Variants in DPYD observed in about 807,000 individuals in gnomAD.
DPYD encodes dihydropyrimidine dehydrogenase, also known as dihydropyrimidine dehydrogenase [NADP(+)].
A neutral mutation model predicts 116.2 loss-of-function variants in DPYD; 109 were observed. The ratio of observed to expected loss-of-function variants is 0.94; its 90% CI spans 0.80 to 1.10. DPYD has a LOEUF of 1.10. DPYD is among the 50% of genes least tolerant of loss of function. The pLI is 0.00. For synonymous variants in DPYD, 440 were observed against 432.0 expected, an observed-to-expected ratio of 1.02 and a Z score of -0.23; for missense variants, 1,302 against 1,254.5, an observed-to-expected ratio of 1.04 and a Z score of -0.57.
intron 3 of DPYD, among the ~76,000 whole-genome samples, chr1:97,761,845 G>A (rs1428700902): frequency 6.6e-6 from 1 of 152,114 alleles, no homozygotes; most frequent in Non-Finnish European, 1.5e-5. Context: ...ATGAAAGCAT[G>A]TCTTTTGCAG....
intron 10 of DPYD, among the ~76,000 whole-genome samples, chr1:97,587,932 TGAG>T (rs1654252073): frequency 6.6e-6 from 1 of 151,848 alleles, no homozygotes; most frequent in African/African-American, 2.4e-5. Flanking sequence ...TAAAAATATC[TGAG>T]AAGAGGCCTA....
chr1:97,132,201 C>A (rs1653393644), intron 20 of DPYD, among the ~76,000 whole-genome samples: 1 of 152,152 alleles, frequency 6.6e-6, no homozygotes, highest in Non-Finnish European at 1.5e-5. Context: ...GTCAGTCAGT[C>A]AAATCATCGC....
intron 18 of DPYD, among the ~76,000 whole-genome samples, chr1:97,273,234 C>T (rs1211603398): frequency 1.3e-5 from 2 of 152,050 alleles, no homozygotes; most frequent in East Asian, 1.9e-4. Context: ...ATTTTAGAAA[C>T]ATAATTCTCT....
intron 16 of DPYD, among the ~76,000 whole-genome samples, chr1:97,342,811 A>C (rs1669649161): frequency 6.6e-6 from 1 of 152,146 alleles, no homozygotes; most frequent in Non-Finnish European, 1.5e-5. Context: ...GTTTTTATTT[A>C]GTGGCCTTTG....
chr1:97,088,875 A>T (rs1649705334), intron 21 of DPYD, among the ~76,000 whole-genome samples: 1 of 152,188 alleles, frequency 6.6e-6, no homozygotes, highest in Non-Finnish European at 1.5e-5. Context: ...GTACAGGGAC[A>T]AGTGAGAATA....
chr1:97,910,281 C>A (rs1673872701), intron 1 of DPYD, among the ~76,000 whole-genome samples: 1 of 151,784 alleles, frequency 6.6e-6, no homozygotes, highest in Non-Finnish European at 1.5e-5. Context: ...AACATCTAGA[C>A]CAGTGCTTAG....
intron 20 of DPYD, among the ~76,000 whole-genome samples, chr1:97,122,372 T>C (rs573437896): frequency 2.0e-5 from 3 of 152,234 alleles, no homozygotes; most frequent in Admixed American, 1.3e-4. Flanking sequence ...GGGATAAATA[T>C]GCTTAGTCAA....
rs566733170 is a variant in DPYD at position 97,656,679 on chromosome 1, C to T, written c.850+22416G>A. Among the ~76,000 whole-genome samples the T allele has an allele frequency of 2.6e-5, 4 of 152,186 alleles. No homozygotes were observed. The East Asian group carries it at 7.7e-4, about 29-fold the overall frequency. On this transcript the variant is annotated intron_variant, in intron 8 of 22. Coordinates refer to ENST00000370192, the MANE Select transcript of DPYD (RefSeq NM_000110.4). ...AATCCTGTTGCTTTCATTTTTGTGA[C>T]AATCCAGGACAGGATATAGAGATAC...
intron 10 of DPYD, 27 bp downstream of exon 10, chr1:97,593,191 C>T (rs1654640303): frequency 1.2e-6 from 2 of 1,612,150 alleles, no homozygotes; most frequent in Non-Finnish European, 8.5e-7. Flanking sequence ...GAGTACAACT[C>T]CATATTTTCT....
At chr1:97,469,930 T>C (rs1201707119) in intron 13 of DPYD, among the ~76,000 whole-genome samples, 1 of 152,136 alleles carries the variant, frequency 6.6e-6, no homozygotes, top group South Asian at 2.1e-4. Context: ...GTTCCTAATA[T>C]ATAAAAGCCC....
At chr1:97,176,300 G>A (rs1434259262) in intron 20 of DPYD, among the ~76,000 whole-genome samples, 1 of 152,178 alleles carries the variant, frequency 6.6e-6, no homozygotes, top group Non-Finnish European at 1.5e-5. Context: ...TTGCTGCTCT[G>A]TGTAGCCTCC....
intron 16 of DPYD, among the ~76,000 whole-genome samples, chr1:97,324,504 T>G (rs1668611081): frequency 6.6e-6 from 1 of 152,100 alleles, no homozygotes; most frequent in African/African-American, 2.4e-5. Context: ...TGTTTACTTT[T>G]CTTTAGAAAG....
At chr1:97,318,750 C>T (rs1375213074) in intron 16 of DPYD, among the ~76,000 whole-genome samples, 1 of 149,422 alleles carries the variant, frequency 6.7e-6, no homozygotes, top group Non-Finnish European at 1.5e-5. Flanking sequence ...ATCTACAGAA[C>T]TCTCCACCCC....
chr1:97,398,948 T>A lies in DPYD; in HGVS notation c.1906-16487A>T, dbSNP rs74947113. On this transcript the variant is annotated intron_variant, in intron 14 of 22. Coordinates refer to ENST00000370192, the MANE Select transcript of DPYD (RefSeq NM_000110.4). ...TTTGCTGTGCAGAAGCTCTTTAGTT[T>A]AATTAGATCCCATTTGTCAATTTTG... is the stretch of plus-strand genomic sequence containing the variant. Among the ~76,000 whole-genome samples, 1,512 of 152,262 alleles carry A rather than the reference T, an allele frequency of 9.9e-3. 13 individuals carry two copies. The highest frequency in any genetic ancestry group is 0.018 in the Non-Finnish European group (1,191 of 68,016).
At chr1:97,730,687 T>C (rs1571263396) in intron 4 of DPYD, among the ~76,000 whole-genome samples, 2 of 152,192 alleles carry the variant, frequency 1.3e-5, no homozygotes, top group East Asian at 3.9e-4. Flanking sequence ...ATAAATTTTA[T>C]AAGAAATTTA....
At chr1:97,664,117 T>C (rs938883426) in intron 8 of DPYD, among the ~76,000 whole-genome samples, 7 of 152,174 alleles carry the variant, frequency 4.6e-5, no homozygotes, top group African/African-American at 1.7e-4. Flanking sequence ...TAAATGAAGT[T>C]ATATAAGCAT....
intron 12 of DPYD, among the ~76,000 whole-genome samples, chr1:97,518,862 C>T (rs181150643): frequency 2.0e-5 from 3 of 151,954 alleles, no homozygotes; most frequent in African/African-American, 7.2e-5. Flanking sequence ...TTATTATGTA[C>T]AAAGTAAAAC....
intron 20 of DPYD, among the ~76,000 whole-genome samples, chr1:97,128,783 T>C (rs367949474): frequency 6.6e-6 from 1 of 152,156 alleles, no homozygotes; most frequent in South Asian, 2.1e-4. Flanking sequence ...TATTAGGGTA[T>C]TTTTGTTTTT....
intron 20 of DPYD, among the ~76,000 whole-genome samples, chr1:97,166,378 A>C (rs1404945037): frequency 1.3e-5 from 2 of 152,126 alleles, no homozygotes; most frequent in African/African-American, 4.8e-5. Flanking sequence ...GAACACAGGA[A>C]CACAAAGAAG....
Sources: allele counts gnomAD v4.1 joint callset (sites outside exome capture counted in the v4.1 genomes callset), GRCh38; gene constraint gnomAD v4.1.1; transcripts MANE v1.5; gene names NCBI Gene and HGNC (gene_info 2026-07-23, HGNC 2026-07-21).